Variants in DUSP16 observed in about 807,000 individuals in gnomAD.
The protein encoded by DUSP16 is dual specificity protein phosphatase 16.
A neutral mutation model predicts 58.3 loss-of-function variants in DUSP16; 21 were observed. That is an observed-to-expected ratio of 0.36 (90% confidence interval 0.26 to 0.52). DUSP16 has a LOEUF of 0.52. Ranked by LOEUF, DUSP16 falls within the 20% of genes least tolerant of loss-of-function variation. The probability of loss-of-function intolerance (pLI) is 0.94; values close to 1 mark genes in which losing one functional copy is unlikely to be tolerated. For synonymous variants in DUSP16, 320 were observed against 323.8 expected (o/e 0.99, Z 0.12); for missense variants, 726 against 819.0 (o/e 0.89, Z 1.39).
chr12:12,510,596 A>G (rs1234095833), intron 3 of DUSP16, among the ~76,000 whole-genome samples: 1 of 152,270 alleles, frequency 6.6e-6, no homozygotes, highest in Non-Finnish European at 1.5e-5. Flanking sequence ...AACACTTAAT[A>G]GCACCTACTA....
intron 3 of DUSP16, among the ~76,000 whole-genome samples, chr12:12,504,415 C>A (rs1943954899): frequency 6.6e-6 from 1 of 152,062 alleles, no homozygotes; most frequent in Admixed American, 6.5e-5. Context: ...GGGAACACCA[C>A]CACGCCCAGC....
intron 4 of DUSP16, among the ~76,000 whole-genome samples, chr12:12,499,849 T>C (rs1368259333): frequency 6.6e-6 from 1 of 152,114 alleles, no homozygotes; most frequent in Admixed American, 6.5e-5. Context: ...AGATTATAGT[T>C]CTATTGCTGT....
chr12:12,500,757 C>T lies in DUSP16; in HGVS notation c.368-75G>A. On this transcript the variant is annotated intron_variant, in intron 3 of 6. Coordinates refer to ENST00000298573, the MANE Select transcript of DUSP16 (RefSeq NM_030640.3). ...AAAAACCAGCTTTCTGTGAACTGCT[C>T]AAACAGTTTAAACCCACGAATCCAA... The T allele has an allele frequency of 5.1e-6, 7 of 1,369,914 alleles. No individual in the cohort carries two copies. The East Asian group carries it at 1.6e-4, about 31-fold the overall frequency. The allele number at this position is 1,369,914 out of a possible 1,614,324, so 84.9% of individuals were successfully genotyped here.
At chr12:12,501,157 T>C (rs529378292) in intron 3 of DUSP16, among the ~76,000 whole-genome samples, 1 of 152,340 alleles carries the variant, frequency 6.6e-6, no homozygotes, top group Non-Finnish European at 1.5e-5. Flanking sequence ...TTAAATCTTC[T>C]TACCATACAA....
intron 4 of DUSP16, among the ~76,000 whole-genome samples, chr12:12,494,745 G>A (rs1487467292): frequency 6.6e-6 from 1 of 152,134 alleles, no homozygotes; most frequent in East Asian, 1.9e-4. Context: ...GAAGAGAACA[G>A]GAGAGGTAAG....
intron 4 of DUSP16, among the ~76,000 whole-genome samples, chr12:12,495,817 C>T (rs1323673932): frequency 6.6e-6 from 1 of 152,216 alleles, no homozygotes; most frequent in Non-Finnish European, 1.5e-5. Flanking sequence ...TCAAGTCCTA[C>T]TTAACTCCAT....
intron 3 of DUSP16, among the ~76,000 whole-genome samples, chr12:12,512,987 T>TA (rs1944100143): frequency 6.6e-6 from 1 of 152,172 alleles, no homozygotes; most frequent in Non-Finnish European, 1.5e-5. Context: ...GGAAGGACAG[T>TA]AATCAATTCT....
intron 1 of DUSP16, among the ~76,000 whole-genome samples, chr12:12,531,676 G>C (rs1165201102): frequency 6.6e-6 from 1 of 151,824 alleles, no homozygotes; most frequent in Non-Finnish European, 1.5e-5. Context: ...TTCAAGACCA[G>C]TCTGGCCAAC....
chr12:12,521,590 G>T, intron 1 of DUSP16, 127 bp from the exon 2 acceptor site: 1 of 268,270 alleles, frequency 3.7e-6, no homozygotes, highest in Non-Finnish European at 5.8e-6. Context: ...TTGATGCACT[G>T]CTTCATTTGA....
At chr12:12,511,215 G>C (rs562635255) in intron 3 of DUSP16, among the ~76,000 whole-genome samples, 4 of 152,122 alleles carry the variant, frequency 2.6e-5, no homozygotes, top group South Asian at 4.1e-4. Flanking sequence ...CCTGGGGGAG[G>C]AATAACATTC....
intron 3 of DUSP16, among the ~76,000 whole-genome samples, chr12:12,507,772 G>A (rs1211611324): frequency 2.6e-5 from 4 of 152,166 alleles, no homozygotes; most frequent in Non-Finnish European, 5.9e-5. Context: ...ATCATGCCCG[G>A]CTAATTTTGT....
At position 12,520,967 on chromosome 12, in the gene DUSP16, T is replaced by G. The variant is rs1944227039; in HGVS notation, c.132A>C (p.Glu44Asp). The G allele has an allele frequency of 3.1e-6, 5 of 1,614,240 alleles. No homozygotes were observed. Among genetic ancestry groups the G allele is most frequent in the Non-Finnish European group, 4.2e-6 (5 of 1,180,036 alleles). The change falls in exon 2 of 7, where the codon GAA becomes GAC. Residue 44 changes from glutamate (E) to aspartate (D), a missense_variant. Coordinates refer to ENST00000298573, the MANE Select transcript of DUSP16 (RefSeq NM_030640.3). ...GCTTGGAGCAGTTGATATTAATGGC[T>G]TCCAAAATGTGGGATGTATTGTATT... ...FVEYNTSHIL[E>D]AININCSKLM... is the part of the protein sequence containing the mutation.
At chr12:12,504,760 C>G (rs1306275913) in intron 3 of DUSP16, among the ~76,000 whole-genome samples, 1 of 150,230 alleles carries the variant, frequency 6.7e-6, no homozygotes, top group Non-Finnish European at 1.5e-5. Flanking sequence ...TCCTGTAGTT[C>G]CAGCTACTTG....
At chr12:12,516,432 T>TA (rs1944155442) in intron 3 of DUSP16, among the ~76,000 whole-genome samples, 1 of 152,240 alleles carries the variant, frequency 6.6e-6, no homozygotes, top group South Asian at 2.1e-4. Context: ...AAAAATACAA[T>TA]AATTATTCTG....
chr12:12,505,017 T>C (rs1943971614), intron 3 of DUSP16, among the ~76,000 whole-genome samples: 1 of 152,256 alleles, frequency 6.6e-6, no homozygotes. Flanking sequence ...TATGTAATCC[T>C]AGAATGTACT....
intron 1 of DUSP16, among the ~76,000 whole-genome samples, chr12:12,548,317 G>C (rs746972373): frequency 2.0e-5 from 3 of 152,120 alleles, no homozygotes; most frequent in Non-Finnish European, 4.4e-5. Context: ...GAGGTATCAC[G>C]TCACACCCAT....
intron 1 of DUSP16, among the ~76,000 whole-genome samples, chr12:12,552,243 T>G (rs1944739406): frequency 6.6e-6 from 1 of 151,880 alleles, no homozygotes; most frequent in Admixed American, 6.6e-5. Flanking sequence ...GTCGGGAGTT[T>G]GAGACCAGCC....
rs931575352 is a variant in DUSP16 at position 12,525,761 on chromosome 12, C to CACA, written c.-365-4299_-365-4298insTGT. ...ACACACACACACACACACACACACA[C>CACA]AATTTTCCCCCCTAGAATTACATAC... On this transcript the variant is annotated intron_variant, in intron 1 of 6. Transcript: ENST00000298573. Among the ~76,000 whole-genome samples, 3 of 147,292 alleles carry CACA rather than the reference C, an allele frequency of 2.0e-5. No homozygotes were observed. In the South Asian group the frequency reaches 6.6e-4, roughly 33 times the overall value.
Position 12,480,354 on chromosome 12 carries a change from A to C in DUSP16, c.692-8T>G, listed in dbSNP as rs1943541139. ...TGGAGGCTTTTGCTTTCTCTGTATA[A>C]GTCAAATGCAAGAAAGGTCACTACT... On this transcript the variant is annotated splice_polypyrimidine_tract_variant and splice_region_variant and intron_variant, in intron 5 of 6. Transcript: ENST00000298573. 4.3e-6 allele frequency: 7 copies of C among 1,611,394 alleles called. No individual in the cohort carries two copies. The highest frequency in any genetic ancestry group is 5.9e-6 in the Non-Finnish European group (7 of 1,179,020).
Sources: gnomAD v4.1 joint callset for allele counts (sites outside exome capture counted in the v4.1 genomes callset) on GRCh38, gnomAD v4.1.1 for gene constraint, MANE v1.5 for transcripts, NCBI Gene and HGNC (gene_info 2026-07-23, HGNC 2026-07-21) for gene names.